The following CCNB2 variants were observed in gnomAD, a reference collection of about 807,000 sequenced individuals.
The protein encoded by CCNB2 is G2/mitotic-specific cyclin-B2.
In CCNB2, 39 loss-of-function variants were observed where a neutral mutation model predicts 51.1. That is an observed-to-expected ratio of 0.76 (90% CI 0.59 to 1.00). The LOEUF (loss-of-function observed/expected upper bound fraction) is 1.00, where lower values mean the gene tolerates loss of function less well. CCNB2 is among the 50% of genes least tolerant of loss of function. CCNB2 has a pLI of 0.00. For synonymous variants in CCNB2, 174 were observed against 165.5 expected (o/e 1.05, Z -0.40); for missense variants, 472 against 470.3 (o/e 1.00, Z -0.03).
chr15:59,122,171 T>A (rs1376014628), intron 7 of CCNB2, among the ~76,000 whole-genome samples: 1 of 148,788 alleles, frequency 6.7e-6, no homozygotes, highest in Admixed American at 6.7e-5. Context: ...ATACCATGCA[T>A]ATGAAAAAAA....
chr15:59,112,581 G>A (rs1465163849), intron 3 of CCNB2, among the ~76,000 whole-genome samples: 1 of 151,918 alleles, frequency 6.6e-6, no homozygotes, highest in African/African-American at 2.4e-5. Context: ...TTCTGACCTC[G>A]TGATCCACCC....
At chr15:59,115,826 G>A (rs2079276576) in intron 5 of CCNB2, 1 of 152,052 alleles carries the variant, frequency 6.6e-6, no homozygotes, top group African/African-American at 2.4e-5. Flanking sequence ...AATTTCCTGG[G>A]TTCAATCAAT....
intron 3 of CCNB2, among the ~76,000 whole-genome samples, chr15:59,108,382 A>G (rs2079244636): frequency 6.6e-6 from 1 of 152,192 alleles, no homozygotes; most frequent in Non-Finnish European, 1.5e-5. Flanking sequence ...AATGATGAAA[A>G]CAATGTAGGG....
rs570657769 is a variant in CCNB2, at chr15:59,115,775, C to T, written c.597+899C>T. ...CAGGGTTTTATTCTGTTGTTGCCCA[C>T]GCTGGAGTGCAGTGACACAATCTGG... On this transcript the variant is annotated intron_variant, in intron 5 of 8. Coordinates refer to ENST00000288207, the MANE Select transcript of CCNB2 (RefSeq NM_004701.4). 5.3e-5 allele frequency: 8 copies of T among 152,134 alleles called. No individual in the cohort carries two copies. In the South Asian group the frequency reaches 1.2e-3, roughly 24 times the overall value. The allele number at this position is 152,134 out of a possible 1,614,324, so 9.4% of individuals were successfully genotyped here.
rs879130543 is a variant in CCNB2 at position 59,124,641 on chromosome 15, A to G, written c.1087-126A>G. On this transcript the variant is annotated intron_variant, in intron 8 of 8. Transcript: ENST00000288207. ...TGAGCCCAGAGCTTTCACTGGCTTCAGCGATTGGGCATCATCAATGTGATC... is the reference window on the plus strand; with the variant it reads ...TGAGCCCAGAGCTTTCACTGGCTTCGGCGATTGGGCATCATCAATGTGATC... The G allele has an allele frequency of 5.6e-6, 4 of 715,242 alleles. No homozygotes were observed. The South Asian group carries it at 6.2e-5, about 11-fold the overall frequency. 44.3% of individuals were successfully genotyped at this position (715,242 alleles called of 1,614,324 possible).
At position 59,116,800 on chromosome 15, in the gene CCNB2, C is replaced by T; in HGVS notation, c.708C>T (p.Ile236=). 1 of 1,613,940 alleles carries T rather than the reference C, an allele frequency of 6.2e-7. No individual in the cohort carries two copies. Among genetic ancestry groups the T allele is most frequent in the South Asian group, 1.1e-5 (1 of 91,080 alleles). ...CAAATATTGAAGACTTTGTTTACAT[C>T]ACAGACAATGCTTATACCAGTTCCC... The part of the protein sequence containing the change: ...FSPNIEDFVY[I]TDNAYTSSQI... The change falls in exon 6 of 9, where the codon ATC becomes ATT. Residue 236 remains isoleucine, a synonymous_variant. Transcript: ENST00000288207.
rs557586490 is a variant in CCNB2, at chr15:59,106,110, A to G, written c.24+818A>G. Among the ~76,000 whole-genome samples, 43 of 152,266 alleles carry G rather than the reference A, an allele frequency of 2.8e-4. No individual in the cohort carries two copies. In the South Asian group the frequency reaches 2.9e-3, roughly 10 times the overall value. ...ACACCTGAGTTCCATCATCTTGGCTATAAGGTTAGATAAAAGCTGCCAATT... is the reference window on the plus strand; with the variant it reads ...ACACCTGAGTTCCATCATCTTGGCTGTAAGGTTAGATAAAAGCTGCCAATT... On this transcript the variant is annotated intron_variant, in intron 1 of 8. Transcript: ENST00000288207.
chr15:59,105,501 C>A (rs1566954873), intron 1 of CCNB2, among the ~76,000 whole-genome samples: 1 of 152,276 alleles, frequency 6.6e-6, no homozygotes. Flanking sequence ...CCCCTAACCC[C>A]TCCCTGCCCC....
intron 7 of CCNB2, among the ~76,000 whole-genome samples, chr15:59,120,420 T>A (rs1425114023): frequency 2.0e-5 from 3 of 151,648 alleles, no homozygotes; most frequent in Admixed American, 6.6e-5. Flanking sequence ...AGCCCAGGAG[T>A]TGGAGGCTGC....
chr15:59,123,040 T>C (rs2079309733), intron 7 of CCNB2, among the ~76,000 whole-genome samples: 1 of 152,214 alleles, frequency 6.6e-6, no homozygotes, highest in African/African-American at 2.4e-5. Flanking sequence ...GATTGTTGCT[T>C]GTAGCACAGT....
intron 7 of CCNB2, among the ~76,000 whole-genome samples, chr15:59,119,586 A>C (rs1228223363): frequency 6.6e-6 from 1 of 152,176 alleles, no homozygotes; most frequent in African/African-American, 2.4e-5. Flanking sequence ...TAGTAGGTTC[A>C]TTGTTAATAG....
chr15:59,123,375 A>G (rs1323180379), intron 7 of CCNB2, 142 bp from the exon 8 acceptor site: 1 of 603,270 alleles, frequency 1.7e-6, no homozygotes, highest in Admixed American at 2.9e-5. Flanking sequence ...TAGGGCTTTG[A>G]TTGAATTTCC....
At chr15:59,115,285 T>C (rs1447189663) in intron 5 of CCNB2, among the ~76,000 whole-genome samples, 1 of 152,164 alleles carries the variant, frequency 6.6e-6, no homozygotes, top group Admixed American at 6.6e-5. Flanking sequence ...TGAGTTTGGC[T>C]GGAGAACCTC....
intron 3 of CCNB2, among the ~76,000 whole-genome samples, chr15:59,108,460 T>C (rs1165593060): frequency 1.3e-5 from 2 of 152,180 alleles, no homozygotes; most frequent in Admixed American, 6.5e-5. Context: ...AGCCCAGATC[T>C]TCCCTAAGCG....
chr15:59,119,474 A>AAAC (rs1382970250), intron 7 of CCNB2, among the ~76,000 whole-genome samples: 1 of 151,068 alleles, frequency 6.6e-6, no homozygotes, highest in Non-Finnish European at 1.5e-5. Flanking sequence ...AAAAAAAAAA[A>AAAC]AAACAAATCT....
Position 59,114,837 on chromosome 15 carries a change from T to C in CCNB2, c.558T>C (p.Thr186=), listed in dbSNP as rs758510627. 1.1e-5 allele frequency: 18 copies of C among 1,614,052 alleles called. No homozygotes were observed. In the East Asian group the frequency reaches 2.9e-4, roughly 26 times the overall value. Residue 186 remains threonine (T), a synonymous_variant, in exon 5 of 9, where the codon ACT becomes ACC. Coordinates refer to ENST00000288207, the MANE Select transcript of CCNB2 (RefSeq NM_004701.4). ...CCAAGTTTAGGCTTCTGCAGGAGAC[T>C]CTGTACATGTGCGTTGGCATTATGG... The part of the protein sequence containing the change: ...VHSKFRLLQE[T]LYMCVGIMDR...
chr15:59,109,818 C>G (rs1025591409), intron 3 of CCNB2, among the ~76,000 whole-genome samples: 8 of 152,202 alleles, frequency 5.3e-5, no homozygotes, highest in African/African-American at 1.9e-4. Flanking sequence ...AACCCCGTCT[C>G]TACTAAAAAT....
intron 7 of CCNB2, among the ~76,000 whole-genome samples, chr15:59,120,158 G>A (rs2079296243): frequency 6.6e-6 from 1 of 152,224 alleles, no homozygotes; most frequent in African/African-American, 2.4e-5. Context: ...CTCAGTAGTA[G>A]TGAGCATATT....
At position 59,117,354 on chromosome 15, in the gene CCNB2, G is replaced by C. The variant is rs1290939024; in HGVS notation, c.961G>C (p.Gly321Arg). Residue 321 changes from glycine to arginine, a missense_variant, in exon 7 of 9, where the codon GGA becomes CGA. Physicochemically the swap from Gly to Arg is moderately radical, Grantham distance 125. Coordinates refer to ENST00000288207, the MANE Select transcript of CCNB2 (RefSeq NM_004701.4). The stretch of plus-strand genomic sequence containing the variant: ...TTCCTGCTTGTCTCAGAAGGTTCTA[G>C]GACAAGGAAAATGGGTGAGTGGTGG... ...AASCLSQKVL[G>R]QGKWNLKQQY... The C allele has an allele frequency of 6.2e-7, 1 of 1,613,628 alleles. No individual in the cohort carries two copies. Among genetic ancestry groups the C allele is most frequent in the Admixed American group, 1.7e-5 (1 of 60,010 alleles).
Sources: gnomAD v4.1 joint callset for allele counts (sites outside exome capture counted in the v4.1 genomes callset) on GRCh38, gnomAD v4.1.1 for gene constraint, MANE v1.5 for transcripts, NCBI Gene and HGNC (gene_info 2026-07-23, HGNC 2026-07-21) for gene names.